The following MALRD1 variants were observed in gnomAD, a reference collection of about 807,000 sequenced individuals.
MALRD1 encodes the protein MAM and LDL-receptor class A domain-containing protein 1.
Under a neutral mutation model 242.1 loss-of-function variants are expected in MALRD1, and 247 were observed. The ratio of observed to expected loss-of-function variants is 1.02; its 90% CI spans 0.92 to 1.13. MALRD1 has a LOEUF of 1.13. Among genes scored for constraint, MALRD1 ranks in the 50% most tolerant of loss-of-function variants. MALRD1 has a pLI of 0.00. For missense variants in MALRD1, 2,989 were observed against 2,533.1 expected (o/e 1.18, Z -3.86); for synonymous variants, 995 against 866.6 (o/e 1.15, Z -2.60).
chr10:19,265,353 T>C (rs1445675911), intron 19 of MALRD1, among the ~76,000 whole-genome samples: 1 of 152,134 alleles, frequency 6.6e-6, no homozygotes, highest in African/African-American at 2.4e-5. Flanking sequence ...TTTTATTTTT[T>C]AGGTATTCGG....
intron 18 of MALRD1, among the ~76,000 whole-genome samples, chr10:19,247,986 A>T (rs1839137939): frequency 6.6e-6 from 1 of 152,012 alleles, no homozygotes; most frequent in Non-Finnish European, 1.5e-5. Context: ...GACATACAGA[A>T]ACAGCTTGAT....
At chr10:19,602,661 T>A (rs182622334) in intron 34 of MALRD1, among the ~76,000 whole-genome samples, 1 of 152,270 alleles carries the variant, frequency 6.6e-6, no homozygotes, top group Non-Finnish European at 1.5e-5. Context: ...AACATACGTG[T>A]GCTTGTGTCT....
intron 28 of MALRD1, among the ~76,000 whole-genome samples, chr10:19,405,133 C>T (rs1847034588): frequency 6.6e-6 from 1 of 152,004 alleles, no homozygotes; most frequent in Admixed American, 6.6e-5. Context: ...TACACGTTAC[C>T]TCAACTTTCT....
At chr10:19,538,257 C>A (rs1242785663) in intron 32 of MALRD1, among the ~76,000 whole-genome samples, 1 of 152,156 alleles carries the variant, frequency 6.6e-6, no homozygotes, top group African/African-American at 2.4e-5. Context: ...ACTTCAATAT[C>A]TTTTCATCAT....
chr10:19,387,454 T>C (rs1846132420), intron 26 of MALRD1, 74 bp from the exon 27 acceptor site: 2 of 1,465,434 alleles, frequency 1.4e-6, no homozygotes, highest in South Asian at 2.8e-5. Context: ...ATGAATCCAC[T>C]CTTACTGCTT....
intron 18 of MALRD1, among the ~76,000 whole-genome samples, chr10:19,220,253 C>T (rs1186091130): frequency 6.6e-6 from 1 of 151,992 alleles, no homozygotes; most frequent in African/African-American, 2.4e-5. Context: ...TATAGAATAG[C>T]CTATGTAGAG....
At chr10:19,107,047 C>T (rs529002465) in intron 5 of MALRD1, among the ~76,000 whole-genome samples, 1 of 152,042 alleles carries the variant, frequency 6.6e-6, no homozygotes, top group Non-Finnish European at 1.5e-5. Context: ...TGTGGCCTAA[C>T]ATTTGATATA....
At chr10:19,203,210 C>G (rs372242517) in intron 14 of MALRD1, among the ~76,000 whole-genome samples, 21 of 152,080 alleles carry the variant, frequency 1.4e-4, no homozygotes, top group Admixed American at 7.9e-4. Context: ...ATTTTCTGCA[C>G]CAATTAGGCA....
At chr10:19,073,007 T>C (rs2358285) in intron 2 of MALRD1, among the ~76,000 whole-genome samples, 81,352 of 151,536 alleles carry the variant, frequency 0.54, 21,967 homozygotes, top group Middle Eastern at 0.6. Context: ...CTCCCCCTCC[T>C]GGATTCAAGC....
At chr10:19,081,255 C>T (rs1037796964) in intron 2 of MALRD1, among the ~76,000 whole-genome samples, 1 of 152,072 alleles carries the variant, frequency 6.6e-6, no homozygotes, top group Non-Finnish European at 1.5e-5. Context: ...TCAGCAATCC[C>T]ATTACTGGGT....
intron 36 of MALRD1, among the ~76,000 whole-genome samples, chr10:19,682,284 G>A (rs1287985585): frequency 6.6e-6 from 1 of 152,112 alleles, no homozygotes; most frequent in Non-Finnish European, 1.5e-5. Context: ...CAATAAGGGT[G>A]GGAGGAGTTT....
At chr10:19,463,755 T>C (rs1452628773) in intron 29 of MALRD1, among the ~76,000 whole-genome samples, 1 of 152,184 alleles carries the variant, frequency 6.6e-6, no homozygotes, top group African/African-American at 2.4e-5. Flanking sequence ...CTGGATCAAA[T>C]GGTATTTCTA....
chr10:19,190,105 A>G (rs1835907878), intron 14 of MALRD1, among the ~76,000 whole-genome samples: 1 of 152,088 alleles, frequency 6.6e-6, no homozygotes, highest in African/African-American at 2.4e-5. Flanking sequence ...CTAAAACATG[A>G]ATTCAACAAA....
chr10:19,695,884 T>G (rs1833356553), intron 38 of MALRD1, among the ~76,000 whole-genome samples: 1 of 152,036 alleles, frequency 6.6e-6, no homozygotes, highest in Non-Finnish European at 1.5e-5. Context: ...CTCCCCTTTA[T>G]AAAACCATTG....
At chr10:19,265,228 C>T (rs988494344) in intron 19 of MALRD1, among the ~76,000 whole-genome samples, 2 of 151,814 alleles carry the variant, frequency 1.3e-5, no homozygotes, top group Non-Finnish European at 2.9e-5. Flanking sequence ...TATTTTTGCT[C>T]TAATCTTTAT....
At chr10:19,256,092 A>T (rs1201749030) in intron 18 of MALRD1, among the ~76,000 whole-genome samples, 3 of 152,042 alleles carry the variant, frequency 2.0e-5, no homozygotes, top group Non-Finnish European at 4.4e-5. Context: ...TGTTACTATC[A>T]ATTTTCTATT....
chr10:19,215,295 A>G (rs1336293422), intron 18 of MALRD1, among the ~76,000 whole-genome samples: 1 of 152,216 alleles, frequency 6.6e-6, no homozygotes, highest in Non-Finnish European at 1.5e-5. Context: ...AGTTGGTTCA[A>G]CTTTAATTTT....
chr10:19,291,386 A>G (rs1423200602), intron 21 of MALRD1: 1 of 152,094 alleles, frequency 6.6e-6, no homozygotes, highest in Non-Finnish European at 1.5e-5. Flanking sequence ...TTGGATTAAA[A>G]TCTCTGGGAA....
chr10:19,595,239 C>T lies in MALRD1; in HGVS notation c.5726C>T (p.Ser1909Phe), dbSNP rs1435829866. 1.9e-6 allele frequency: 3 copies of T among 1,550,478 alleles called. No individual in the cohort carries two copies. Among genetic ancestry groups the T allele is most frequent in the South Asian group, 1.2e-5 (1 of 84,050 alleles). Residue 1909 changes from serine (S) to phenylalanine (F), a missense_variant, in exon 34 of 40, where the codon TCT becomes TTT. Coordinates refer to ENST00000454679, the MANE Select transcript of MALRD1 (RefSeq NM_001142308.3). ...QPSPCEADQF[S>F]CIYTLQCVPL... Reference sequence around the variant, plus strand: ...TCACCCTGTGAAGCTGATCAGTTTTCTTGTATCTACACACTCCAATGTGTC... The same window carrying T: ...TCACCCTGTGAAGCTGATCAGTTTTTTTGTATCTACACACTCCAATGTGTC...
Sources: allele counts gnomAD v4.1 joint callset (sites outside exome capture counted in the v4.1 genomes callset), GRCh38; gene constraint gnomAD v4.1.1; transcripts MANE v1.5; gene names NCBI Gene and HGNC (gene_info 2026-07-23, HGNC 2026-07-21).